The following NEXMIF variants were observed in gnomAD, a reference collection of about 807,000 sequenced individuals.
NEXMIF encodes the protein XLMR protein related to neurite extension.
Under a neutral mutation model 62.1 loss-of-function variants are expected in NEXMIF, and 8 were observed. The ratio of observed to expected loss-of-function variants is 0.13; its 90% CI spans 0.08 to 0.23. The LOEUF (loss-of-function observed/expected upper bound fraction) is 0.23, where lower values mean the gene tolerates loss of function less well. Ranked by LOEUF, NEXMIF falls within the 10% of genes least tolerant of loss-of-function variation. NEXMIF has a pLI of 1.00. For missense variants in NEXMIF, 976 were observed against 1,113.3 expected (o/e 0.88, Z 1.75); for synonymous variants, 404 against 416.6 (o/e 0.97, Z 0.37).
At chrX:74,831,106 G>GT (rs1190506708) in intron 1 of NEXMIF, among the ~76,000 whole-genome samples, 1 of 109,372 alleles carries the variant, frequency 9.1e-6, no homozygotes, top group Admixed American at 9.7e-5. Flanking sequence ...CAGCATCCTT[G>GT]TTTTTTCCAA....
chrX:74,740,101 T>A lies in NEXMIF; in HGVS notation c.4456A>T (p.Arg1486Trp). 1 of 1,207,004 alleles carries A rather than the reference T, an allele frequency of 8.3e-7. No individual in the cohort carries two copies. The highest frequency in any genetic ancestry group is 1.1e-6 in the Non-Finnish European group (1 of 892,125). The change falls in exon 3 of 4, where the codon AGG (arginine) becomes TGG (tryptophan). Residue 1486 changes from arginine (R) to tryptophan (W), a missense_variant and splice_region_variant. By Grantham distance (101) the Arg-to-Trp change is moderately radical. This residue lies in a region of NEXMIF where 137 missense variants were observed against 128.9 expected (regional missense o/e 1.06). Transcript: ENST00000055682. ...ESGTASFEKL[R>W]DSDYNLLKAE... ...TCAGCCATACTGGTGCAGTATTACCTCAGTTTTTCAAAAGAAGCTGTCCCA... is the reference window on the plus strand; with the variant it reads ...TCAGCCATACTGGTGCAGTATTACCACAGTTTTTCAAAAGAAGCTGTCCCA...
At chrX:74,796,239 T>TACATATATA (rs1569345267) in intron 1 of NEXMIF, among the ~76,000 whole-genome samples, 36 of 59,817 alleles carry the variant, frequency 6.0e-4, no homozygotes, top group Non-Finnish European at 9.6e-4. Flanking sequence ...AATATATATA[T>TACATATATA]ATATACACAT....
At chrX:74,830,357 CATAGGTGTATGG>C (rs1012131561) in intron 1 of NEXMIF, among the ~76,000 whole-genome samples, 8 of 111,400 alleles carry the variant, frequency 7.2e-5, no homozygotes, top group Non-Finnish European at 1.1e-4. Flanking sequence ...ACGAGCTCAT[CATAGGTGTATGG>C]ATTTATTTCT....
In NEXMIF at chrX:74,856,311, T is replaced by G. The variant is rs1474905063; in HGVS notation, c.-48+68572A>C. The stretch of plus-strand genomic sequence containing the variant: ...AAATTCACTAGAAGAGCAAGATGAC[T>G]GCACATTTCAGCAGGTAGAAGAAAG... On this transcript the variant is annotated intron_variant, in intron 1 of 3. Coordinates refer to ENST00000055682, the MANE Select transcript of NEXMIF (RefSeq NM_001008537.3). 2.7e-5 allele frequency among the ~76,000 whole-genome samples: 3 copies of G among 111,806 alleles called. No homozygotes were observed. The East Asian group carries it at 8.5e-4, about 32-fold the overall frequency.
At chrX:74,871,622 C>G (rs773658687) in intron 1 of NEXMIF, among the ~76,000 whole-genome samples, 2 of 110,987 alleles carry the variant, frequency 1.8e-5, no homozygotes, top group African/African-American at 6.5e-5. Flanking sequence ...AGACCTACCC[C>G]CAGGAATGCA....
chrX:74,908,527 C>G (rs777939679), intron 1 of NEXMIF, among the ~76,000 whole-genome samples: 99 of 112,699 alleles, frequency 8.8e-4, no homozygotes, highest in African/African-American at 3.0e-3. Context: ...CTAGAAGTAT[C>G]CTGGCCTTAA....
At chrX:74,838,324 T>C (rs1453657283) in intron 1 of NEXMIF, among the ~76,000 whole-genome samples, 2 of 111,776 alleles carry the variant, frequency 1.8e-5, no homozygotes, top group African/African-American at 3.2e-5. Flanking sequence ...TTTAAAAACA[T>C]TTTAAATTGA....
chrX:74,759,146 A>C (rs891251582), intron 1 of NEXMIF, among the ~76,000 whole-genome samples: 1 of 112,371 alleles, frequency 8.9e-6, no homozygotes. Flanking sequence ...CATTTCTCTA[A>C]TGATCAGTGA....
In NEXMIF at chrX:74,737,770, GA is replaced by G. The variant is rs1368114850; in HGVS notation, c.*1634del. The G allele has an allele frequency of 9.0e-6, 1 of 111,111 alleles. No homozygotes were observed. Among genetic ancestry groups the G allele is most frequent in the East Asian group, 2.8e-4 (1 of 3,553 alleles). 9.2% of individuals were successfully genotyped at this position (111,111 alleles called of 1,213,427 possible). On this transcript the variant is annotated 3_prime_UTR_variant, in exon 4 of 4. Transcript: ENST00000055682. ...ATATTTTGCTTAAAATTTTCCTTTTGAAACATCTTCCCTTTTTTTGTTAAAT... is the reference window on the plus strand; with the variant it reads ...ATATTTTGCTTAAAATTTTCCTTTTGAACATCTTCCCTTTTTTTGTTAAAT...
chrX:74,798,075 T>C (rs1031071721), intron 1 of NEXMIF, among the ~76,000 whole-genome samples: 4 of 112,157 alleles, frequency 3.6e-5, no homozygotes, highest in African/African-American at 1.3e-4. Context: ...CCACACTGGC[T>C]AAGCAAGGAC....
intron 1 of NEXMIF, among the ~76,000 whole-genome samples, chrX:74,831,440 G>A (rs1256855590): frequency 4.8e-5 from 5 of 105,217 alleles, no homozygotes; most frequent in African/African-American, 7.0e-5. Context: ...GAGAACATGC[G>A]GTGTTTGGTT....
Position 74,923,879 on chromosome X carries a change from T to A in NEXMIF, c.-48+1004A>T, listed in dbSNP as rs376326845. On this transcript the variant is annotated intron_variant, in intron 1 of 3. Coordinates refer to ENST00000055682, the MANE Select transcript of NEXMIF (RefSeq NM_001008537.3). Reference sequence around the variant, plus strand: ...CTGTGCACAGCATTCAACAATATGCTGGGAGCCAAGATCCAGAAGCAAAAT... The same window carrying A: ...CTGTGCACAGCATTCAACAATATGCAGGGAGCCAAGATCCAGAAGCAAAAT... 1.8e-4 allele frequency among the ~76,000 whole-genome samples: 20 copies of A among 112,782 alleles called. 1 individual carries two copies. In the East Asian group the frequency reaches 3.1e-3, roughly 17 times the overall value.
chrX:74,914,319 A>C (rs183573763), intron 1 of NEXMIF, among the ~76,000 whole-genome samples: 5 of 111,898 alleles, frequency 4.5e-5, no homozygotes, highest in African/African-American at 1.6e-4. Context: ...CAGCAATTGC[A>C]CTCCTGGGAG....
intron 1 of NEXMIF, among the ~76,000 whole-genome samples, chrX:74,789,032 T>C (rs920283629): frequency 1.8e-5 from 2 of 109,502 alleles, no homozygotes; most frequent in African/African-American, 6.7e-5. Flanking sequence ...ATTGTGCAGG[T>C]TAGTTACATA....
At chrX:74,865,572 C>T (rs768894142) in intron 1 of NEXMIF, among the ~76,000 whole-genome samples, 11 of 112,222 alleles carry the variant, frequency 9.8e-5, no homozygotes, top group Non-Finnish European at 1.9e-4. Flanking sequence ...ATCACCAAGA[C>T]AATGGGGAAA....
intron 1 of NEXMIF, among the ~76,000 whole-genome samples, chrX:74,861,242 T>G (rs2080556480): frequency 9.0e-6 from 1 of 111,461 alleles, no homozygotes; most frequent in Non-Finnish European, 1.9e-5. Flanking sequence ...AGAAAGAATT[T>G]CAGAGCTTGA....
intron 1 of NEXMIF, among the ~76,000 whole-genome samples, chrX:74,839,872 C>A (rs745399296): frequency 1.8e-5 from 2 of 111,926 alleles, no homozygotes; most frequent in Non-Finnish European, 3.8e-5. Flanking sequence ...CTGCAATGAA[C>A]ATTCAGATGC....
Position 74,791,931 on chromosome X carries a change from G to A in NEXMIF, c.-47-46234C>T, listed in dbSNP as rs750123891. ...GATCCTTTCAAAAAACCAGCTCCTG[G>A]ATTCACTGATTTTTTTGAAGGGTTG... On this transcript the variant is annotated intron_variant, in intron 1 of 3. Transcript: ENST00000055682. 4.0e-4 allele frequency among the ~76,000 whole-genome samples: 44 copies of A among 111,322 alleles called. 1 individual carries two copies. Among genetic ancestry groups the A allele is most frequent in the Admixed American group, 3.3e-3 (34 of 10,447 alleles).
chrX:74,828,309 T>A (rs1332776603), intron 1 of NEXMIF, among the ~76,000 whole-genome samples: 1 of 112,076 alleles, frequency 8.9e-6, no homozygotes, highest in Non-Finnish European at 1.9e-5. Flanking sequence ...TATGTTTGAA[T>A]ACATGATACA....
Sources: gnomAD v4.1 joint callset for allele counts (sites outside exome capture counted in the v4.1 genomes callset) on GRCh38, gnomAD v4.1.1 for gene constraint, gnomAD v4.1.1 regional missense constraint, MANE v1.5 for transcripts, NCBI Gene and HGNC (gene_info 2026-07-23, HGNC 2026-07-21) for gene names.